The following LARP6 variants were observed in gnomAD, a reference collection of about 807,000 sequenced individuals.
LARP6 encodes the protein la-related protein 6.
Under a neutral mutation model 32.8 loss-of-function variants are expected in LARP6, and 18 were observed. The observed-to-expected ratio is 0.55, with a 90% CI of 0.38 to 0.81. The LOEUF is 0.81. Among genes scored for constraint, LARP6 ranks in the 40% least tolerant of loss-of-function variants. The pLI is 0.00. For synonymous variants in LARP6, 289 were observed against 267.2 expected (o/e 1.08, Z -0.80); for missense variants, 598 against 663.1 (o/e 0.90, Z 1.08).
At position 70,831,868 on chromosome 15, in the gene LARP6, G is replaced by C. The variant is rs1476279711; in HGVS notation, c.*184C>G. 10 of 425,396 alleles carry C rather than the reference G, an allele frequency of 2.4e-5. No individual in the cohort carries two copies. The highest frequency in any genetic ancestry group is 4.1e-5 in the Non-Finnish European group (10 of 242,290). 26.4% of individuals were successfully genotyped at this position (425,396 alleles called of 1,614,324 possible). On this transcript the variant is annotated 3_prime_UTR_variant, in exon 3 of 3. Transcript: ENST00000299213. ...TGGGAAGAACAGGAGTCCTGAACTAGAAGGTGGTCTTCAAACCATGGCGTA... is the reference window on the plus strand; with the variant it reads ...TGGGAAGAACAGGAGTCCTGAACTACAAGGTGGTCTTCAAACCATGGCGTA...
chr15:70,841,835 G>C (rs564343904), intron 1 of LARP6, among the ~76,000 whole-genome samples: 11 of 152,212 alleles, frequency 7.2e-5, no homozygotes, highest in Non-Finnish European at 1.6e-4. Flanking sequence ...AGAGCCAAGA[G>C]CCAATCAAGC....
intron 1 of LARP6, among the ~76,000 whole-genome samples, chr15:70,837,957 C>T (rs1359381825): frequency 2.6e-5 from 4 of 152,118 alleles, no homozygotes; most frequent in East Asian, 1.9e-4. Flanking sequence ...GGATGGGACC[C>T]GAGTCTAAAC....
intron 1 of LARP6, among the ~76,000 whole-genome samples, chr15:70,845,730 T>G (rs2032333892): frequency 6.6e-6 from 1 of 152,200 alleles, no homozygotes; most frequent in African/African-American, 2.4e-5. Context: ...CTTAGTGGGT[T>G]GTATGGGTTC....
At position 70,853,962 on chromosome 15, in the gene LARP6, C is replaced by G; in HGVS notation, c.127G>C (p.Ala43Pro). Residue 43 changes from alanine to proline, a missense_variant, in exon 1 of 3, where the codon GCC becomes CCC. Physicochemically the swap from Ala to Pro is conservative, Grantham distance 27. This residue lies in a region of LARP6 where 161 missense variants were observed against 148.6 expected (regional missense o/e 1.08). Transcript: ENST00000299213. ...DEEEGAETRG[A>P]GDPARYLSPG... ...CTGAGGTACCGGGCCGGGTCCCCGG[C>G]GCCCCGAGTCTCCGCCCCCTCCTCC... 1 of 1,455,750 alleles carries G rather than the reference C, an allele frequency of 6.9e-7. No homozygotes were observed. The highest frequency in any genetic ancestry group is 9.1e-7 in the Non-Finnish European group (1 of 1,099,020). The allele number at this position is 1,455,750 out of a possible 1,614,324, so 90.2% of individuals were successfully genotyped here.
chr15:70,849,907 AGAT>A (rs2032418041), intron 1 of LARP6: 2 of 152,210 alleles, frequency 1.3e-5, no homozygotes, highest in Non-Finnish European at 2.9e-5. Context: ...TGTTCAATCC[AGAT>A]GATGAGACAA....
chr15:70,835,034 G>T (rs373715924), intron 2 of LARP6, among the ~76,000 whole-genome samples: 1 of 152,190 alleles, frequency 6.6e-6, no homozygotes, highest in East Asian at 1.9e-4. Flanking sequence ...GACTCTTGGG[G>T]TCCCTGGGGA....
intron 1 of LARP6, among the ~76,000 whole-genome samples, chr15:70,838,658 G>T (rs958382324): frequency 2.0e-5 from 3 of 152,106 alleles, no homozygotes; most frequent in African/African-American, 7.2e-5. Context: ...CCTTAGGAGG[G>T]CTAATCTTTC....
At chr15:70,847,515 G>A (rs953611772) in intron 1 of LARP6, among the ~76,000 whole-genome samples, 1 of 152,006 alleles carries the variant, frequency 6.6e-6, no homozygotes, top group Admixed American at 6.6e-5. Flanking sequence ...GACTACAGGT[G>A]CGCACCACCA....
At chr15:70,840,983 G>C (rs1004765769) in intron 1 of LARP6, among the ~76,000 whole-genome samples, 1 of 149,620 alleles carries the variant, frequency 6.7e-6, no homozygotes, top group Non-Finnish European at 1.5e-5. Flanking sequence ...GCACTGTCTC[G>C]GCTCACTGCA....
intron 2 of LARP6, among the ~76,000 whole-genome samples, chr15:70,834,624 T>C (rs1436109034): frequency 2.0e-5 from 3 of 152,174 alleles, no homozygotes; most frequent in Non-Finnish European, 4.4e-5. Context: ...GGGGACCACA[T>C]CTCACTGCAA....
At chr15:70,840,767 C>A (rs1263384560) in intron 1 of LARP6, among the ~76,000 whole-genome samples, 1 of 152,056 alleles carries the variant, frequency 6.6e-6, no homozygotes, top group East Asian at 1.9e-4. Context: ...AGTGACTGCA[C>A]TACGAAAGGG....
rs142606326 is a variant in LARP6, at chr15:70,832,082, A to G, written c.1446T>C (p.His482=). The G allele has an allele frequency of 2.6e-6, 4 of 1,536,908 alleles. No homozygotes were observed. Among genetic ancestry groups the G allele is most frequent in the Non-Finnish European group, 3.5e-6 (4 of 1,143,318 alleles). ...PRGPDNTRGF[H]GHERSRACV is the part of the protein sequence containing the mutation. ...CACAGGCCCTGCTCCTCTCATGGCC[A>G]TGAAATCCTCTGGTGTTGTCAGGAC... is the stretch of plus-strand genomic sequence containing the variant. The change falls in exon 3 of 3, where the codon CAT becomes CAC. Residue 482 remains histidine (H), a synonymous_variant. Coordinates refer to ENST00000299213, the MANE Select transcript of LARP6 (RefSeq NM_018357.4).
At position 70,849,183 on chromosome 15, in the gene LARP6, C is replaced by T. The variant is rs541626228; in HGVS notation, c.200+4706G>A. On this transcript the variant is annotated intron_variant, in intron 1 of 2. Coordinates refer to ENST00000299213, the MANE Select transcript of LARP6 (RefSeq NM_018357.4). ...ACCAGCCTGGCCAACATGGTGAAATCCCGTCTCTATTAAAAATACAAAAAT... is the reference window on the plus strand; with the variant it reads ...ACCAGCCTGGCCAACATGGTGAAATTCCGTCTCTATTAAAAATACAAAAAT... The T allele has an allele frequency of 2.0e-3, 303 of 152,182 alleles. 1 individual carries two copies. Among genetic ancestry groups the T allele is most frequent in the South Asian group, 3.9e-3 (19 of 4,822 alleles). 9.4% of individuals were successfully genotyped at this position (152,182 alleles called of 1,614,324 possible).
At position 70,832,497 on chromosome 15, in the gene LARP6, C is replaced by T; in HGVS notation, c.1031G>A (p.Ser344Asn). The T allele has an allele frequency of 6.5e-7, 1 of 1,543,438 alleles. No homozygotes were observed. The highest frequency in any genetic ancestry group is 8.7e-7 in the Non-Finnish European group (1 of 1,148,620). The change falls in exon 3 of 3, where the codon AGC becomes AAC. Residue 344 changes from serine to asparagine, a missense_variant. Physicochemically the swap from Ser to Asn is conservative, Grantham distance 46 (BLOSUM62 1). This residue lies in a region of LARP6 where 368 missense variants were observed against 397.9 expected (regional missense o/e 0.92). Transcript: ENST00000299213. ...GCCCGCCATAGGGGATGTGGGGTTG[C>T]TCTCGGGGTCAGAGGAGCTGTTGGC... Reference protein sequence around the residue: ...SSANSSSDPESNPTSPMAGRR... With the variant: ...SSANSSSDPENNPTSPMAGRR...
chr15:70,838,773 G>C (rs373099644), intron 1 of LARP6, among the ~76,000 whole-genome samples: 1 of 152,136 alleles, frequency 6.6e-6, no homozygotes, highest in African/African-American at 2.4e-5. Flanking sequence ...GTTGCAGGTA[G>C]GTAGTTATAA....
At position 70,832,196 on chromosome 15, in the gene LARP6, C is replaced by T. The variant is rs374386524; in HGVS notation, c.1332G>A (p.Gln444=). The T allele has an allele frequency of 7.7e-5, 124 of 1,614,106 alleles. 1 individual carries two copies. Among genetic ancestry groups the T allele is most frequent in the African/African-American group, 3.9e-4 (29 of 75,068 alleles). ...GGGGACTCGTACCGGGGCTTTTCTC[C>T]TGGGTCCCCATCTCGGCTTGGCGAC... ...RRRRQAEMGT[Q]EKSPGTSPLL... is the part of the protein sequence containing the mutation. Residue 444 remains glutamine, a synonymous_variant, in exon 3 of 3, where the codon CAG becomes CAA. Coordinates refer to ENST00000299213, the MANE Select transcript of LARP6 (RefSeq NM_018357.4).
chr15:70,833,935 T>G (rs1038261402), intron 2 of LARP6, among the ~76,000 whole-genome samples: 6 of 152,212 alleles, frequency 3.9e-5, no homozygotes, highest in African/African-American at 1.4e-4. Flanking sequence ...AATGTTGCAG[T>G]ATATGGAAGC....
At chr15:70,837,860 T>C (rs867891400) in intron 1 of LARP6, among the ~76,000 whole-genome samples, 21 of 152,230 alleles carry the variant, frequency 1.4e-4, no homozygotes, top group African/African-American at 4.8e-4. Flanking sequence ...GTATCCCTTA[T>C]CCAAAATGCC....
chr15:70,837,186 C>G (rs989469237), intron 1 of LARP6, among the ~76,000 whole-genome samples: 1 of 151,054 alleles, frequency 6.6e-6, no homozygotes, highest in South Asian at 2.1e-4. Context: ...GCCTGGGCAA[C>G]AGAGTGGGAC....
Sources: allele counts gnomAD v4.1 joint callset (sites outside exome capture counted in the v4.1 genomes callset), GRCh38; gene constraint gnomAD v4.1.1; regional missense constraint gnomAD v4.1.1; transcripts MANE v1.5; gene names NCBI Gene and HGNC (gene_info 2026-07-23, HGNC 2026-07-21).